Variants in MIB1 observed in about 807,000 individuals in gnomAD.
The protein encoded by MIB1 is E3 ubiquitin-protein ligase MIB1.
Under a neutral mutation model 124.5 loss-of-function variants are expected in MIB1, and 278 were observed. That is an observed-to-expected ratio of 2.23 (90% CI 2.02 to 2.47). The LOEUF is 2.47. Among genes scored for constraint, MIB1 ranks in the 30% most tolerant of loss-of-function variants. The pLI, the probability that MIB1 is intolerant of heterozygous loss-of-function variation, is 0.00. For synonymous variants in MIB1, 446 were observed against 429.4 expected, an observed-to-expected ratio of 1.04 and a Z score of -0.48; for missense variants, 957 against 1,254.4, an observed-to-expected ratio of 0.76 and a Z score of 3.58.
At chr18:21,714,936 G>A (rs1598578237) in intron 1 of MIB1, among the ~76,000 whole-genome samples, 2 of 152,186 alleles carry the variant, frequency 1.3e-5, no homozygotes, top group Non-Finnish European at 2.9e-5. Flanking sequence ...AGTAAATTGG[G>A]GGGGATCACC....
chr18:21,768,222 T>C (rs1367190075), intron 2 of MIB1, among the ~76,000 whole-genome samples: 2 of 152,218 alleles, frequency 1.3e-5, no homozygotes, highest in Non-Finnish European at 2.9e-5. Context: ...CTGAAATGCT[T>C]AGACTAGGAT....
At chr18:21,823,397 T>C (rs1426046077) in intron 12 of MIB1, among the ~76,000 whole-genome samples, 2 of 147,886 alleles carry the variant, frequency 1.4e-5, no homozygotes, top group African/African-American at 2.5e-5. Context: ...CAAGACCCTG[T>C]CTCTAAAAAA....
intron 13 of MIB1, among the ~76,000 whole-genome samples, chr18:21,842,116 A>AAAAAAAG (rs1555695873): frequency 2.5e-5 from 3 of 121,192 alleles, no homozygotes; most frequent in African/African-American, 1.0e-4. Context: ...AAAAAAAAAA[A>AAAAAAAG]AAGAAGAAAA....
At chr18:21,765,713 A>C (rs1418292455) in intron 1 of MIB1, 59 bp from the exon 2 acceptor site, 1 of 1,515,902 alleles carries the variant, frequency 6.6e-7, no homozygotes, top group Non-Finnish European at 9.0e-7. Flanking sequence ...CCCCCAAGGA[A>C]TAATATTCAA....
intron 1 of MIB1, among the ~76,000 whole-genome samples, chr18:21,751,476 G>A (rs1306375683): frequency 6.6e-6 from 1 of 151,854 alleles, no homozygotes; most frequent in African/African-American, 2.4e-5. Flanking sequence ...GGCCAGGCTG[G>A]TCTCTGGAGC....
chr18:21,722,089 C>T (rs951775833), intron 1 of MIB1, among the ~76,000 whole-genome samples: 1 of 152,054 alleles, frequency 6.6e-6, no homozygotes, highest in Non-Finnish European at 1.5e-5. Flanking sequence ...GGGTCTTGCT[C>T]TGTTGCCCAG....
At chr18:21,857,026 C>T in intron 18 of MIB1, 104 bp from the exon 19 acceptor site, 2 of 751,180 alleles carry the variant, frequency 2.7e-6, no homozygotes. Flanking sequence ...ACTTGTATAA[C>T]ATTTATTTCA....
chr18:21,784,858 A>G (rs2041416065), intron 6 of MIB1, among the ~76,000 whole-genome samples: 1 of 152,098 alleles, frequency 6.6e-6, no homozygotes, highest in Non-Finnish European at 1.5e-5. Context: ...CTGCTCCACC[A>G]CCTCTTGTGG....
intron 12 of MIB1, among the ~76,000 whole-genome samples, chr18:21,837,944 T>C (rs2042048811): frequency 2.6e-5 from 4 of 152,240 alleles, no homozygotes; most frequent in Admixed American, 2.6e-4. Context: ...TAATAAATAC[T>C]GTTGATACTG....
chr18:21,771,910 G>A (rs1361449964), intron 3 of MIB1, among the ~76,000 whole-genome samples: 1 of 151,934 alleles, frequency 6.6e-6, no homozygotes, highest in African/African-American at 2.4e-5. Context: ...TGAGGCAGGA[G>A]AACCACTTGA....
At chr18:21,785,806 A>G (rs1200169826) in intron 6 of MIB1, among the ~76,000 whole-genome samples, 5 of 152,180 alleles carry the variant, frequency 3.3e-5, no homozygotes, top group Admixed American at 3.3e-4. Context: ...GATGGTGATG[A>G]ATTTCCTCAG....
intron 20 of MIB1, among the ~76,000 whole-genome samples, chr18:21,860,995 C>T (rs953995950): frequency 3.3e-5 from 5 of 152,080 alleles, no homozygotes; most frequent in African/African-American, 7.2e-5. Flanking sequence ...GCTATGACAG[C>T]GCCACTACAC....
chr18:21,807,754 T>C (rs75459992), intron 10 of MIB1, among the ~76,000 whole-genome samples: 2,512 of 152,254 alleles, frequency 0.016, 38 homozygotes, highest in East Asian at 0.069. Context: ...GTGGAGAAAA[T>C]AGTTAATTTT....
At chr18:21,759,266 G>C (rs893116117) in intron 1 of MIB1, among the ~76,000 whole-genome samples, 2 of 151,076 alleles carry the variant, frequency 1.3e-5, no homozygotes, top group Middle Eastern at 6.8e-3. Context: ...TTTTTGAGAC[G>C]GAGTTTGGCT....
chr18:21,770,919 C>T (rs182064480), intron 3 of MIB1, among the ~76,000 whole-genome samples: 1 of 152,156 alleles, frequency 6.6e-6, no homozygotes, highest in East Asian at 1.9e-4. Context: ...TTCTTTTAAT[C>T]TTTGTATTTC....
intron 1 of MIB1, among the ~76,000 whole-genome samples, chr18:21,705,666 G>A (rs1356873495): frequency 2.0e-5 from 3 of 152,204 alleles, no homozygotes; most frequent in African/African-American, 7.2e-5. Context: ...TATGAAAAAT[G>A]CCAAAGGATT....
intron 1 of MIB1, among the ~76,000 whole-genome samples, chr18:21,711,565 G>T (rs866654064): frequency 4.6e-5 from 7 of 151,784 alleles, no homozygotes; most frequent in Non-Finnish European, 1.0e-4. Context: ...TTATAGACAT[G>T]AGCCACTGCG....
chr18:21,715,695 T>C (rs6508563), intron 1 of MIB1, among the ~76,000 whole-genome samples: 70,057 of 151,644 alleles, frequency 0.46, 19,622 homozygotes, highest in African/African-American at 0.79. Context: ...AAACAATGGA[T>C]GCACTTATAG....
intron 15 of MIB1, among the ~76,000 whole-genome samples, chr18:21,845,097 G>A (rs532726101): frequency 5.3e-5 from 8 of 151,624 alleles, no homozygotes; most frequent in Admixed American, 3.3e-4. Flanking sequence ...TGCAACCTCC[G>A]CCTCCTGGGT....
Sources: allele counts gnomAD v4.1 joint callset (sites outside exome capture counted in the v4.1 genomes callset), GRCh38; gene constraint gnomAD v4.1.1; transcripts MANE v1.5; gene names NCBI Gene and HGNC (gene_info 2026-07-23, HGNC 2026-07-21).